CPQ: variants seen among roughly 807,000 people sequenced by gnomAD.
CPQ encodes the protein carboxypeptidase Q.
A neutral mutation model predicts 45.7 loss-of-function variants in CPQ; 37 were observed. That is an observed-to-expected ratio of 0.81 (90% CI 0.62 to 1.07). CPQ has a LOEUF of 1.07. Among genes scored for constraint, CPQ ranks in the 50% least tolerant of loss-of-function variants. CPQ has a pLI of 0.00. For missense variants in CPQ, 537 were observed against 572.9 expected, an observed-to-expected ratio of 0.94 and a Z score of 0.64; for synonymous variants, 186 against 205.8, an observed-to-expected ratio of 0.90 and a Z score of 0.82.
At chr8:97,048,488 G>A (rs906997550) in intron 6 of CPQ, among the ~76,000 whole-genome samples, 2 of 152,170 alleles carry the variant, frequency 1.3e-5, no homozygotes, top group Admixed American at 1.3e-4. Flanking sequence ...TTCTAAAAAA[G>A]TGGACTCTAA....
intron 4 of CPQ, among the ~76,000 whole-genome samples, chr8:96,949,844 TGACTTCA>T (rs1339887617): frequency 2.0e-5 from 3 of 152,266 alleles, no homozygotes; most frequent in African/African-American, 4.8e-5. Context: ...GCAGGTTCCC[TGACTTCA>T]GACTTACTCA....
chr8:96,865,059 G>T (rs960859690), intron 3 of CPQ, among the ~76,000 whole-genome samples: 1 of 151,918 alleles, frequency 6.6e-6, no homozygotes, highest in Non-Finnish European at 1.5e-5. Context: ...GTGACAAAAT[G>T]TTAGGTGTTA....
At chr8:96,942,822 G>GT (rs1342325543) in intron 4 of CPQ, among the ~76,000 whole-genome samples, 3 of 152,146 alleles carry the variant, frequency 2.0e-5, no homozygotes, top group African/African-American at 7.2e-5. Context: ...TCTGATGCTG[G>GT]TGCTCTAAGA....
At chr8:97,003,175 A>C (rs1354110163) in intron 5 of CPQ, among the ~76,000 whole-genome samples, 1 of 152,022 alleles carries the variant, frequency 6.6e-6, no homozygotes, top group African/African-American at 2.4e-5. Context: ...TTGGTCTCTT[A>C]AAGACAGCAT....
At chr8:96,694,701 T>G (rs1039429054) in intron 1 of CPQ, among the ~76,000 whole-genome samples, 16 of 150,268 alleles carry the variant, frequency 1.1e-4, no homozygotes, top group Admixed American at 5.3e-4. Flanking sequence ...ATTAGGAAAT[T>G]AAAAAAAAAT....
chr8:97,033,931 T>C (rs1057049141), intron 6 of CPQ, among the ~76,000 whole-genome samples: 6 of 152,148 alleles, frequency 3.9e-5, no homozygotes, highest in Non-Finnish European at 7.4e-5. Context: ...AAAATAGTTA[T>C]TTTAAATTGT....
Position 96,730,110 on chromosome 8 carries a change from G to C in CPQ, c.-34-54754G>C, listed in dbSNP as rs111762158. Among the ~76,000 whole-genome samples, 908 of 152,320 alleles carry C rather than the reference G, an allele frequency of 6.0e-3. 16 individuals are homozygous for C. The highest frequency in any genetic ancestry group is 0.016 in the African/African-American group (656 of 41,582). Reference sequence around the variant, plus strand: ...CCATATTTTTGTGTCTTGCTTCCCAGCAGGGCTGACAGACACAAACTCATG... The same window carrying C: ...CCATATTTTTGTGTCTTGCTTCCCACCAGGGCTGACAGACACAAACTCATG... On this transcript the variant is annotated intron_variant, in intron 1 of 7. Transcript: ENST00000220763.
At chr8:96,883,574 T>A (rs1812259651) in intron 4 of CPQ, among the ~76,000 whole-genome samples, 1 of 152,202 alleles carries the variant, frequency 6.6e-6, no homozygotes, top group South Asian at 2.1e-4. Flanking sequence ...AAGTCAAGTC[T>A]GTGGTTGCGT....
intron 1 of CPQ, among the ~76,000 whole-genome samples, chr8:96,755,939 G>A (rs1810321540): frequency 6.6e-6 from 1 of 151,922 alleles, no homozygotes; most frequent in Non-Finnish European, 1.5e-5. Flanking sequence ...AATTAGTGCA[G>A]CAGGATATCA....
At chr8:96,837,574 G>A (rs188179628) in intron 3 of CPQ, among the ~76,000 whole-genome samples, 2 of 151,934 alleles carry the variant, frequency 1.3e-5, no homozygotes, top group Non-Finnish European at 2.9e-5. Flanking sequence ...CACTGTGACT[G>A]TTTGACCTGT....
intron 2 of CPQ, among the ~76,000 whole-genome samples, chr8:96,812,163 C>G (rs1056618644): frequency 2.0e-5 from 3 of 152,064 alleles, no homozygotes; most frequent in African/African-American, 7.2e-5. Context: ...CTACTTTATT[C>G]CAGGATAGCT....
chr8:96,693,472 G>T (rs1809331584), intron 1 of CPQ, among the ~76,000 whole-genome samples: 1 of 151,984 alleles, frequency 6.6e-6, no homozygotes, highest in South Asian at 2.1e-4. Flanking sequence ...CAAGAAAAAA[G>T]AAACAAATAA....
intron 5 of CPQ, among the ~76,000 whole-genome samples, chr8:96,988,021 T>C (rs1809021635): frequency 6.6e-6 from 1 of 152,206 alleles, no homozygotes; most frequent in African/African-American, 2.4e-5. Flanking sequence ...TAGGGTTTGT[T>C]TTAGATTCAA....
intron 5 of CPQ, among the ~76,000 whole-genome samples, chr8:97,028,613 A>AT (rs1243030211): frequency 6.6e-6 from 1 of 152,106 alleles, no homozygotes; most frequent in Admixed American, 6.5e-5. Flanking sequence ...TACTCTCACC[A>AT]TTTTTTTAAC....
At chr8:97,096,738 G>A (rs1811216011) in intron 7 of CPQ, among the ~76,000 whole-genome samples, 1 of 152,208 alleles carries the variant, frequency 6.6e-6, no homozygotes, top group South Asian at 2.1e-4. Flanking sequence ...AAGGCAAGAG[G>A]CCTTCATAGA....
At chr8:96,859,032 C>T (rs1288870476) in intron 3 of CPQ, among the ~76,000 whole-genome samples, 1 of 152,086 alleles carries the variant, frequency 6.6e-6, no homozygotes, top group Non-Finnish European at 1.5e-5. Flanking sequence ...TCTTTGTATG[C>T]CTAATATTTT....
chr8:96,767,413 G>A (rs1810481088), intron 1 of CPQ, among the ~76,000 whole-genome samples: 2 of 151,632 alleles, frequency 1.3e-5, no homozygotes, highest in South Asian at 4.2e-4. Context: ...CTCTTCCCAA[G>A]CCGTTTTTGG....
intron 7 of CPQ, among the ~76,000 whole-genome samples, chr8:97,113,945 G>A (rs1430680849): frequency 3.3e-5 from 5 of 152,178 alleles, no homozygotes; most frequent in East Asian, 1.9e-4. Flanking sequence ...TGTCCATCAC[G>A]AAGGCCATGT....
chr8:96,757,767 G>C (rs927078892), intron 1 of CPQ, among the ~76,000 whole-genome samples: 7 of 151,994 alleles, frequency 4.6e-5, no homozygotes, highest in Non-Finnish European at 8.8e-5. Context: ...CTCTTTCTTT[G>C]AGGTTTTAGA....
Sources: allele counts gnomAD v4.1 joint callset (sites outside exome capture counted in the v4.1 genomes callset), GRCh38; gene constraint gnomAD v4.1.1; transcripts MANE v1.5; gene names NCBI Gene and HGNC (gene_info 2026-07-23, HGNC 2026-07-21).